LANCL3: variants seen among roughly 807,000 people sequenced by gnomAD.
LANCL3 encodes lanC-like protein 3.
Under a neutral mutation model 26.5 loss-of-function variants are expected in LANCL3, and 19 were observed. The observed-to-expected ratio is 0.72, with a 90% CI of 0.50 to 1.05. LANCL3 has a LOEUF of 1.05. Among genes scored for constraint, LANCL3 ranks in the 50% least tolerant of loss-of-function variants. The probability of loss-of-function intolerance (pLI) is 0.00; values close to 1 mark genes in which losing one functional copy is unlikely to be tolerated. For synonymous variants in LANCL3, 160 were observed against 166.6 expected, an observed-to-expected ratio of 0.96 and a Z score of 0.30; for missense variants, 318 against 362.7, an observed-to-expected ratio of 0.88 and a Z score of 1.00.
At chrX:37,672,957 C>T (rs962436542) in intron 4 of LANCL3, among the ~76,000 whole-genome samples, 2 of 111,904 alleles carry the variant, frequency 1.8e-5, no homozygotes, top group Admixed American at 9.5e-5. Flanking sequence ...TTGGTTGTCA[C>T]CTATTATTTT....
rs1400734970 is a variant in LANCL3, at chrX:37,683,211, A to G, written c.*7398A>G. The G allele has an allele frequency of 1.8e-5, 2 of 111,798 alleles. No individual in the cohort carries two copies. Among genetic ancestry groups the G allele is most frequent in the African/African-American group, 3.3e-5 (1 of 30,764 alleles). 9.2% of individuals were successfully genotyped at this position (111,798 alleles called of 1,213,427 possible). On this transcript the variant is annotated 3_prime_UTR_variant, in exon 5 of 5. Coordinates refer to ENST00000378619, the MANE Select transcript of LANCL3 (RefSeq NM_001170331.2). ...ACAAAGCTCACCTTCCTAATGATAC[A>G]TTTCACAAACTGCACATTAGGGCAA...
intron 1 of LANCL3, among the ~76,000 whole-genome samples, chrX:37,603,510 A>T (rs1320007691): frequency 1.8e-5 from 2 of 111,889 alleles, no homozygotes; most frequent in African/African-American, 6.5e-5. Flanking sequence ...AAGGGTAAGG[A>T]GTATATCCCG....
chrX:37,630,388 A>T (rs1427852099), intron 1 of LANCL3, among the ~76,000 whole-genome samples: 1 of 110,700 alleles, frequency 9.0e-6, no homozygotes, highest in Non-Finnish European at 1.9e-5. Context: ...TAATCATGTC[A>T]TCTGCAAACA....
chrX:37,600,445 AC>A (rs1569463278), intron 1 of LANCL3, among the ~76,000 whole-genome samples: 1 of 111,749 alleles, frequency 8.9e-6, no homozygotes, highest in African/African-American at 3.3e-5. Context: ...TTAATAAATG[AC>A]CCATTAGGGA....
chrX:37,609,650 C>T (rs1924811491), intron 1 of LANCL3, among the ~76,000 whole-genome samples: 1 of 110,384 alleles, frequency 9.1e-6, no homozygotes, highest in Non-Finnish European at 1.9e-5. Flanking sequence ...CAAGGAAATC[C>T]ATGGAAAATT....
At chrX:37,640,008 G>A (rs1569467654) in intron 1 of LANCL3, among the ~76,000 whole-genome samples, 2 of 111,720 alleles carry the variant, frequency 1.8e-5, no homozygotes, top group Non-Finnish European at 1.9e-5. Flanking sequence ...ACGAGGTGAC[G>A]GTACACAATT....
chrX:37,670,326 C>G (rs1402608915), intron 4 of LANCL3, among the ~76,000 whole-genome samples: 2 of 111,167 alleles, frequency 1.8e-5, no homozygotes, highest in African/African-American at 6.5e-5. Flanking sequence ...TTTGTCATAC[C>G]AAAGTTTTAA....
At chrX:37,579,463 T>C (rs1396511413) in intron 1 of LANCL3, among the ~76,000 whole-genome samples, 1 of 111,300 alleles carries the variant, frequency 9.0e-6, no homozygotes, top group African/African-American at 3.3e-5. Flanking sequence ...GTTTACAGAG[T>C]AGATATGCTG....
At position 37,679,914 on chromosome X, in the gene LANCL3, C is replaced by T. The variant is rs1469333792; in HGVS notation, c.*4101C>T. ...TGAGTTTTATTGCTTTCTGGGACCT[C>T]TAACCCAGGACCACCCCTGATTCAC... On this transcript the variant is annotated 3_prime_UTR_variant, in exon 5 of 5. Coordinates refer to ENST00000378619, the MANE Select transcript of LANCL3 (RefSeq NM_001170331.2). 3 of 111,631 alleles carry T rather than the reference C, an allele frequency of 2.7e-5. No homozygotes were observed. The Admixed American group carries it at 2.9e-4, about 11-fold the overall frequency. The allele number at this position is 111,631 out of a possible 1,213,427, so 9.2% of individuals were successfully genotyped here. A position where few individuals can be genotyped will look rare whatever the true frequency, so the allele number is the denominator to read the frequency against.
chrX:37,638,629 T>A (rs1925774263), intron 1 of LANCL3, among the ~76,000 whole-genome samples: 1 of 111,560 alleles, frequency 9.0e-6, no homozygotes, highest in African/African-American at 3.3e-5. Flanking sequence ...TGCTTTTTTA[T>A]AAAAAAAATT....
At chrX:37,632,086 G>C (rs1925536986) in intron 1 of LANCL3, among the ~76,000 whole-genome samples, 1 of 111,128 alleles carries the variant, frequency 9.0e-6, no homozygotes. Flanking sequence ...GTGTGGGAGT[G>C]TAAGTCTCTT....
chrX:37,639,323 G>A (rs141958272), intron 1 of LANCL3, among the ~76,000 whole-genome samples: 3,426 of 104,034 alleles, frequency 0.033, 146 homozygotes, highest in African/African-American at 0.11. Flanking sequence ...TAACATGCAT[G>A]TATGTAGGTA....
In LANCL3 at chrX:37,572,397, G is replaced by A; in HGVS notation, c.527G>A (p.Gly176Asp). The A allele has an allele frequency of 1.7e-6, 2 of 1,177,042 alleles. No homozygotes were observed. Among genetic ancestry groups the A allele is most frequent in the Non-Finnish European group, 2.3e-6 (2 of 877,981 alleles). Residue 176 changes from glycine (G) to aspartate (D), a missense_variant, in exon 1 of 5, where the codon GGT (glycine) becomes GAT (aspartate). Transcript: ENST00000378619. The stretch of plus-strand genomic sequence containing the variant: ...GACGAGCTGTTCGTGGGCCGCGCGG[G>A]TTACCTGTGTGCCGCGCTGGTGCTC... ...GSDELFVGRAGYLCAALVLKQ... is the reference protein window; with the variant it reads ...GSDELFVGRADYLCAALVLKQ...
chrX:37,585,739 AC>A (rs1556417846), intron 1 of LANCL3, among the ~76,000 whole-genome samples: 1 of 110,934 alleles, frequency 9.0e-6, no homozygotes, highest in African/African-American at 3.3e-5. Context: ...ATGGGTCTTG[AC>A]TCTGTATCCA....
chrX:37,623,576 GT>G (rs1304572539), intron 1 of LANCL3, among the ~76,000 whole-genome samples: 2 of 111,853 alleles, frequency 1.8e-5, no homozygotes, highest in Non-Finnish European at 3.8e-5. Context: ...ATTAGTTTTT[GT>G]TTTTGTTTGC....
chrX:37,639,754 T>A (rs931097310), intron 1 of LANCL3, among the ~76,000 whole-genome samples: 7 of 111,517 alleles, frequency 6.3e-5, no homozygotes, highest in East Asian at 2.8e-4. Flanking sequence ...GAGCTTTTTT[T>A]AAAAAAAATG....
In LANCL3 at chrX:37,572,028, G is replaced by A. The variant is rs1246304456; in HGVS notation, c.158G>A (p.Gly53Glu). The change falls in exon 1 of 5, where the codon GGG (glycine) becomes GAG (glutamate). Residue 53 changes from glycine to glutamate, a missense_variant. Coordinates refer to ENST00000378619, the MANE Select transcript of LANCL3 (RefSeq NM_001170331.2). ...CTCGGGGGCGGCGCGGAGGCCCGAG[G>A]GGCGACGGCGGGGGCTAGCGCCTGC... ...PPLGGGAEAR[G>E]ATAGASACQG... 2.5e-6 allele frequency: 3 copies of A among 1,181,202 alleles called. No homozygotes were observed. The African/African-American group carries it at 5.3e-5, about 21-fold the overall frequency.
chrX:37,605,661 C>T (rs190630021), intron 1 of LANCL3, among the ~76,000 whole-genome samples: 4 of 111,495 alleles, frequency 3.6e-5, no homozygotes, highest in African/African-American at 1.3e-4. Context: ...AGGTACACTC[C>T]CCACTTAGGG....
At chrX:37,575,273 A>T (rs1315015585) in intron 1 of LANCL3, among the ~76,000 whole-genome samples, 1 of 110,901 alleles carries the variant, frequency 9.0e-6, no homozygotes, top group African/African-American at 3.3e-5. Context: ...TGACTACCCT[A>T]TTTAAAATTG....
Sources: allele counts gnomAD v4.1 joint callset (sites outside exome capture counted in the v4.1 genomes callset), GRCh38; gene constraint gnomAD v4.1.1; transcripts MANE v1.5; gene names NCBI Gene and HGNC (gene_info 2026-07-23, HGNC 2026-07-21).